CNTNAP2: variants seen among roughly 807,000 people sequenced by gnomAD.
CNTNAP2 encodes the protein contactin-associated protein-like 2.
In CNTNAP2, 98 loss-of-function variants were observed where a neutral mutation model predicts 155.2. The ratio of observed to expected loss-of-function variants is 0.63; its 90% CI spans 0.54 to 0.75. The LOEUF is 0.75. CNTNAP2 is among the 30% of genes least tolerant of loss of function. CNTNAP2 has a pLI of 0.00. For synonymous variants in CNTNAP2, 651 were observed against 631.2 expected (o/e 1.03, Z -0.47); for missense variants, 1,727 against 1,688.1 (o/e 1.02, Z -0.40).
At chr7:146,170,562 A>G (rs1446683383) in intron 1 of CNTNAP2, among the ~76,000 whole-genome samples, 3 of 152,132 alleles carry the variant, frequency 2.0e-5, no homozygotes, top group Non-Finnish European at 2.9e-5. Flanking sequence ...ATATTTTTAA[A>G]TATGGTTTTT....
chr7:147,048,223 A>G (rs976667675), intron 4 of CNTNAP2, among the ~76,000 whole-genome samples: 2 of 152,018 alleles, frequency 1.3e-5, no homozygotes, highest in Non-Finnish European at 2.9e-5. Flanking sequence ...GGTGGGCCCT[A>G]AGTGCAATCA....
intron 17 of CNTNAP2, among the ~76,000 whole-genome samples, chr7:148,159,543 A>G (rs1253606801): frequency 1.3e-5 from 2 of 152,140 alleles, no homozygotes; most frequent in Non-Finnish European, 2.9e-5. Flanking sequence ...CATTTATTCT[A>G]TCCCCTAATG....
chr7:148,040,087 C>T (rs1183168851), intron 15 of CNTNAP2, among the ~76,000 whole-genome samples: 1 of 152,192 alleles, frequency 6.6e-6, no homozygotes, highest in African/African-American at 2.4e-5. Flanking sequence ...GGCTCTTTCT[C>T]TTGAGGTTTT....
chr7:147,486,186 C>CA lies in CNTNAP2; in HGVS notation c.1777+158dup, dbSNP rs4015951. On this transcript the variant is annotated intron_variant, in intron 11 of 23. Transcript: ENST00000361727. ...ACCAAGATTCCAATTGTCATTTCTC[C>CA]AAAAAAAAAAAAATAAAATACACTA... 9,272 of 560,164 alleles carry CA rather than the reference C, an allele frequency of 0.017. 18 individuals are homozygous for CA. Among genetic ancestry groups the CA allele is most frequent in the Non-Finnish European group, 0.02 (6,354 of 318,726 alleles). The allele number at this position is 560,164 out of a possible 1,614,324, so 34.7% of individuals were successfully genotyped here. A position where few individuals can be genotyped will look rare whatever the true frequency, so the allele number is the denominator to read the frequency against.
At chr7:147,769,181 G>A (rs116933445) in intron 13 of CNTNAP2, among the ~76,000 whole-genome samples, 2,029 of 152,188 alleles carry the variant, frequency 0.013, 103 homozygotes, top group Admixed American at 0.09. Context: ...TAATTGGCAA[G>A]TAATACAATA....
intron 1 of CNTNAP2, among the ~76,000 whole-genome samples, chr7:146,650,110 C>G (rs114865235): frequency 0.022 from 3,336 of 151,888 alleles, 86 homozygotes; most frequent in African/African-American, 0.059. Flanking sequence ...TGTAATTTGT[C>G]TTACACCATT....
At chr7:147,929,160 C>A (rs1800453838) in intron 14 of CNTNAP2, among the ~76,000 whole-genome samples, 1 of 135,434 alleles carries the variant, frequency 7.4e-6, no homozygotes, top group African/African-American at 2.8e-5. Flanking sequence ...GTATTGAGTT[C>A]TGCTCTTATT....
At chr7:146,715,835 A>C (rs1280826301) in intron 1 of CNTNAP2, among the ~76,000 whole-genome samples, 1 of 152,186 alleles carries the variant, frequency 6.6e-6, no homozygotes, top group Non-Finnish European at 1.5e-5. Flanking sequence ...TTAGAGGCCC[A>C]TGAGCTTTGG....
At chr7:148,289,731 G>A (rs1490990258) in intron 21 of CNTNAP2, among the ~76,000 whole-genome samples, 2 of 152,184 alleles carry the variant, frequency 1.3e-5, no homozygotes, top group African/African-American at 2.4e-5. Flanking sequence ...CTCTCTTGCT[G>A]TTGGCTGGCT....
chr7:148,063,882 G>C (rs369653103), intron 15 of CNTNAP2, among the ~76,000 whole-genome samples: 1 of 151,908 alleles, frequency 6.6e-6, no homozygotes, highest in Non-Finnish European at 1.5e-5. Context: ...TTCAGTCTTC[G>C]ATCCATCTTG....
intron 10 of CNTNAP2, among the ~76,000 whole-genome samples, chr7:147,426,694 T>C (rs1797383085): frequency 6.6e-6 from 1 of 152,180 alleles, no homozygotes; most frequent in Non-Finnish European, 1.5e-5. Flanking sequence ...ACAGAATGTC[T>C]GCCTCCCTCA....
rs1000877086 is a variant in CNTNAP2, at chr7:146,692,716, T to C, written c.98-81555T>C. Among the ~76,000 whole-genome samples, 8 of 152,138 alleles carry C rather than the reference T, an allele frequency of 5.3e-5. No individual in the cohort carries two copies. In the East Asian group the frequency reaches 1.5e-3, roughly 29 times the overall value. Reference sequence around the variant, plus strand: ...TTTTTTCATGTGTAAATGGGGATCATAATGTTTTAATTGCAAAGTTTCTGT... The same window carrying C: ...TTTTTTCATGTGTAAATGGGGATCACAATGTTTTAATTGCAAAGTTTCTGT... On this transcript the variant is annotated intron_variant, in intron 1 of 23. Transcript: ENST00000361727.
chr7:148,415,956 T>C lies in CNTNAP2; in HGVS notation c.*340T>C. 3.2e-6 allele frequency: 1 copy of C among 317,190 alleles called. No homozygotes were observed. The highest frequency in any genetic ancestry group is 6.1e-5 in the South Asian group (1 of 16,468). The allele number at this position is 317,190 out of a possible 1,614,324, so 19.6% of individuals were successfully genotyped here. A position where few individuals can be genotyped will look rare whatever the true frequency, so the allele number is the denominator to read the frequency against. ...TAAAGACCCGTGGTAACAGGGCAAG[T>C]TTTCTACGTTTTTAAGAGCCCTTAG... is the stretch of plus-strand genomic sequence containing the variant. On this transcript the variant is annotated 3_prime_UTR_variant, in exon 24 of 24. Transcript: ENST00000361727.
chr7:146,175,318 G>C (rs1452479913), intron 1 of CNTNAP2, among the ~76,000 whole-genome samples: 1 of 152,172 alleles, frequency 6.6e-6, no homozygotes, highest in Non-Finnish European at 1.5e-5. Flanking sequence ...CAGGCAAGAA[G>C]GCTAAGAGGC....
chr7:146,672,326 T>C (rs920897705), intron 1 of CNTNAP2, among the ~76,000 whole-genome samples: 4 of 152,226 alleles, frequency 2.6e-5, no homozygotes, highest in African/African-American at 9.6e-5. Flanking sequence ...TTCCAGGAGT[T>C]GTTTCCTTGT....
intron 3 of CNTNAP2, among the ~76,000 whole-genome samples, chr7:146,954,866 A>T (rs1584746615): frequency 6.6e-6 from 1 of 152,048 alleles, no homozygotes; most frequent in East Asian, 1.9e-4. Context: ...TGTCCCAGAA[A>T]CATTTATCAA....
intron 8 of CNTNAP2, among the ~76,000 whole-genome samples, chr7:147,160,566 A>T (rs1164816164): frequency 1.3e-5 from 2 of 152,118 alleles, no homozygotes; most frequent in Non-Finnish European, 2.9e-5. Flanking sequence ...TGCATACAAT[A>T]TGCCCATTAT....
chr7:147,204,665 G>C (rs945631326), intron 8 of CNTNAP2, among the ~76,000 whole-genome samples: 3 of 151,942 alleles, frequency 2.0e-5, no homozygotes, highest in African/African-American at 7.3e-5. Flanking sequence ...GATTTTATAG[G>C]TAATGTAATG....
intron 11 of CNTNAP2, among the ~76,000 whole-genome samples, chr7:147,518,738 T>A (rs1799176570): frequency 6.6e-6 from 1 of 152,050 alleles, no homozygotes; most frequent in South Asian, 2.1e-4. Context: ...AGAGACCTTA[T>A]AAAAAATTAT....
Sources: gnomAD v4.1 joint callset for allele counts (sites outside exome capture counted in the v4.1 genomes callset) on GRCh38, gnomAD v4.1.1 for gene constraint, MANE v1.5 for transcripts, NCBI Gene and HGNC (gene_info 2026-07-23, HGNC 2026-07-21) for gene names.